MSRA: variants seen among roughly 807,000 people sequenced by gnomAD.
The protein encoded by MSRA is mitochondrial peptide methionine sulfoxide reductase.
In MSRA, 54 loss-of-function variants were observed where a neutral mutation model predicts 31.3. The observed-to-expected ratio is 1.73, with a 90% CI of 1.39 to 2.17. MSRA has a LOEUF of 2.17. MSRA is among the 30% of genes most tolerant of loss of function. MSRA has a pLI of 0.00. For missense variants in MSRA, 507 were observed against 300.9 expected, an observed-to-expected ratio of 1.69 and a Z score of -5.07; for synonymous variants, 169 against 116.5, an observed-to-expected ratio of 1.45 and a Z score of -2.90.
intron 5 of MSRA, chr8:10,353,664 A>G (rs138613381): frequency 2.2e-6 from 1 of 456,256 alleles, no homozygotes; most frequent in Admixed American, 2.3e-5. Flanking sequence ...TGGGCTGCAG[A>G]CGGAGGGAAG....
At chr8:10,364,015 T>G (rs149050004) in intron 5 of MSRA, among the ~76,000 whole-genome samples, 65 of 152,256 alleles carry the variant, frequency 4.3e-4, no homozygotes, top group African/African-American at 1.5e-3. Context: ...GAGAACTGTT[T>G]CCTTTCTCTA....
chr8:10,422,877 C>T (rs1448022339), intron 5 of MSRA, among the ~76,000 whole-genome samples: 2 of 152,216 alleles, frequency 1.3e-5, no homozygotes, highest in East Asian at 3.9e-4. Flanking sequence ...CAGGCAAGTC[C>T]GTCATGACCT....
intron 1 of MSRA, among the ~76,000 whole-genome samples, chr8:10,204,478 C>G (rs775725636): frequency 3.3e-5 from 5 of 152,068 alleles, no homozygotes; most frequent in Non-Finnish European, 5.9e-5. Flanking sequence ...TTATAGATAT[C>G]TAGATCACAA....
chr8:10,131,262 C>A (rs1206735188), intron 1 of MSRA, among the ~76,000 whole-genome samples: 1 of 152,072 alleles, frequency 6.6e-6, no homozygotes, highest in African/African-American at 2.4e-5. Flanking sequence ...AAGGCAATGA[C>A]AATGCAAATA....
intron 5 of MSRA, among the ~76,000 whole-genome samples, chr8:10,402,598 G>T (rs1236371234): frequency 6.6e-6 from 1 of 152,206 alleles, no homozygotes; most frequent in Non-Finnish European, 1.5e-5. Context: ...TCCAACAATG[G>T]CTGCTAGCTC....
chr8:10,405,804 TGCTC>T (rs1807774558), intron 5 of MSRA, among the ~76,000 whole-genome samples: 3 of 151,914 alleles, frequency 2.0e-5, no homozygotes, highest in Non-Finnish European at 4.4e-5. Flanking sequence ...CATACACACA[TGCTC>T]GCGTACACCC....
intron 1 of MSRA, among the ~76,000 whole-genome samples, chr8:10,189,053 T>G (rs1413727698): frequency 6.6e-6 from 1 of 152,220 alleles, no homozygotes; most frequent in Non-Finnish European, 1.5e-5. Flanking sequence ...CAGTGTTTTA[T>G]AGTTTTCAGG....
chr8:10,380,277 G>A (rs1385086616), intron 5 of MSRA, among the ~76,000 whole-genome samples: 1 of 152,176 alleles, frequency 6.6e-6, no homozygotes, highest in Non-Finnish European at 1.5e-5. Flanking sequence ...GATTCAGCCA[G>A]AAGGGTCACC....
intron 4 of MSRA, among the ~76,000 whole-genome samples, chr8:10,315,020 C>A (rs530916113): frequency 6.6e-6 from 1 of 152,040 alleles, no homozygotes; most frequent in Non-Finnish European, 1.5e-5. Context: ...TGACCAAAGG[C>A]GAAGGAGGAG....
intron 5 of MSRA, among the ~76,000 whole-genome samples, chr8:10,346,577 G>C (rs1472661139): frequency 6.6e-6 from 1 of 152,240 alleles, no homozygotes; most frequent in African/African-American, 2.4e-5. Flanking sequence ...GGCAGAGACT[G>C]AAAGGCAAGC....
intron 5 of MSRA, among the ~76,000 whole-genome samples, chr8:10,325,148 A>G (rs981397231): frequency 6.6e-6 from 1 of 152,108 alleles, no homozygotes; most frequent in Non-Finnish European, 1.5e-5. Flanking sequence ...TCTCACTCCG[A>G]TCCAGGGAAG....
rs139664123 is a variant in MSRA, at chr8:10,356,573, T to G, written c.543+36584T>G. On this transcript the variant is annotated intron_variant, in intron 5 of 5. Transcript: ENST00000317173. Reference sequence around the variant, plus strand: ...TTTGTTGAAATTTTCACCCACAAGGTGATGGGATTAGTAGGTGATGATGAT... The same window carrying G: ...TTTGTTGAAATTTTCACCCACAAGGGGATGGGATTAGTAGGTGATGATGAT... Among the ~76,000 whole-genome samples, 54 of 152,268 alleles carry G rather than the reference T, an allele frequency of 3.5e-4. No individual in the cohort carries two copies. The East Asian group carries it at 6.2e-3, about 17-fold the overall frequency.
At chr8:10,087,814 G>C (rs951944976) in intron 1 of MSRA, among the ~76,000 whole-genome samples, 1 of 152,198 alleles carries the variant, frequency 6.6e-6, no homozygotes, top group Non-Finnish European at 1.5e-5. Context: ...TTTTCTAAGA[G>C]AGACATTTTA....
chr8:10,216,292 C>T (rs544917386), intron 2 of MSRA, among the ~76,000 whole-genome samples: 1 of 152,292 alleles, frequency 6.6e-6, no homozygotes, highest in South Asian at 2.1e-4. Context: ...ACAAAGAATG[C>T]ATGTCATAAT....
At chr8:10,069,803 G>A (rs766836566) in intron 1 of MSRA, among the ~76,000 whole-genome samples, 7 of 152,186 alleles carry the variant, frequency 4.6e-5, no homozygotes, top group Non-Finnish European at 7.4e-5. Context: ...CCAAAGTGAT[G>A]TTCTTTATCA....
chr8:10,167,105 C>A (rs985381989), intron 1 of MSRA, among the ~76,000 whole-genome samples: 4 of 152,204 alleles, frequency 2.6e-5, no homozygotes, highest in Non-Finnish European at 5.9e-5. Context: ...TCCCTCCTCT[C>A]CATTCTCTTC....
At chr8:10,339,120 G>A (rs1366939492) in intron 5 of MSRA, among the ~76,000 whole-genome samples, 1 of 152,160 alleles carries the variant, frequency 6.6e-6, no homozygotes, top group East Asian at 1.9e-4. Context: ...GCTGACAGAT[G>A]AAAATTTTCA....
intron 1 of MSRA, among the ~76,000 whole-genome samples, chr8:10,066,725 G>A (rs1048205736): frequency 6.6e-6 from 1 of 152,026 alleles, no homozygotes. Flanking sequence ...AGTAGAGACT[G>A]GTTTCTACCA....
intron 5 of MSRA, chr8:10,353,825 A>T: frequency 3.7e-6 from 1 of 272,358 alleles, no homozygotes; most frequent in Non-Finnish European, 7.3e-6. Flanking sequence ...AGAAATAACA[A>T]GACATTTTAC....
Sources: gnomAD v4.1 joint callset for allele counts (sites outside exome capture counted in the v4.1 genomes callset) on GRCh38, gnomAD v4.1.1 for gene constraint, MANE v1.5 for transcripts, NCBI Gene and HGNC (gene_info 2026-07-23, HGNC 2026-07-21) for gene names.